DNAH14: variants seen among roughly 807,000 people sequenced by gnomAD.
The protein encoded by DNAH14 is dynein axonemal heavy chain 14.
A neutral mutation model predicts 520.9 loss-of-function variants in DNAH14; 478 were observed. The observed-to-expected ratio is 0.92, with a 90% CI of 0.85 to 0.99. The LOEUF is 0.99. Ranked by LOEUF, DNAH14 falls within the 50% of genes least tolerant of loss-of-function variation. DNAH14 has a pLI of 0.00. For synonymous variants in DNAH14, 1,581 were observed against 1,757.2 expected, an observed-to-expected ratio of 0.90 and a Z score of 2.51; for missense variants, 4,831 against 5,234.5, an observed-to-expected ratio of 0.92 and a Z score of 2.38.
chr1:225,389,891 G>C lies in DNAH14; in HGVS notation c.13330+18G>C, dbSNP rs940212041. 1.9e-6 allele frequency: 3 copies of C among 1,550,850 alleles called. No individual in the cohort carries two copies. In the Middle Eastern group the frequency reaches 5.0e-4, roughly 259 times the overall value. The stretch of plus-strand genomic sequence containing the variant: ...TCCACAAGGTGAGCATTAGAACCAA[G>C]GTCAGCTCCAGACCTGGCCCAGGCA... On this transcript the variant is annotated intron_variant, in intron 83 of 85. Coordinates refer to ENST00000682510, the MANE Select transcript of DNAH14 (RefSeq NM_001367479.1).
intron 8 of DNAH14, among the ~76,000 whole-genome samples, chr1:225,000,591 G>A (rs1435495295): frequency 7.3e-6 from 1 of 137,024 alleles, no homozygotes; most frequent in Non-Finnish European, 1.6e-5. Flanking sequence ...TCTTTTTTCT[G>A]AGGTGGGATC....
rs1341029481 is a variant in DNAH14, at chr1:225,341,266, G to A, written c.10678+565G>A. Among the ~76,000 whole-genome samples, 3 of 151,906 alleles carry A rather than the reference G, an allele frequency of 2.0e-5. No individual in the cohort carries two copies. The South Asian group carries it at 6.2e-4, about 32-fold the overall frequency. ...ATTACCAGCGCATGCCACCACACCCGACTTAATAACTAAAAGATATTTTTA... is the reference window on the plus strand; with the variant it reads ...ATTACCAGCGCATGCCACCACACCCAACTTAATAACTAAAAGATATTTTTA... On this transcript the variant is annotated intron_variant, in intron 69 of 85. Transcript: ENST00000682510.
chr1:225,116,041 A>G (rs1406145051), intron 23 of DNAH14, among the ~76,000 whole-genome samples: 1 of 152,224 alleles, frequency 6.6e-6, no homozygotes, highest in Non-Finnish European at 1.5e-5. Context: ...TAAAAGAGTT[A>G]GATTAGAGAA....
In DNAH14 at chr1:225,206,166, C is replaced by T; in HGVS notation, c.6173C>T (p.Ala2058Val). Residue 2058 changes from alanine (A) to valine (V), a missense_variant, in exon 40 of 86, where the codon GCC (alanine) becomes GTC (valine). By Grantham distance (64) the Ala-to-Val change is moderately conservative. Coordinates refer to ENST00000682510, the MANE Select transcript of DNAH14 (RefSeq NM_001367479.1). ...AGTCCTGCTACTGTCAGCCGATGTGCCATGGTCTATATGGTAAGCTTTCAA... is the reference window on the plus strand; with the variant it reads ...AGTCCTGCTACTGTCAGCCGATGTGTCATGGTCTATATGGTAAGCTTTCAA... ...QASPATVSRC[A>V]MVYMDPVDLG... is the part of the protein sequence containing the mutation. The T allele has an allele frequency of 6.4e-7, 1 of 1,550,724 alleles. No homozygotes were observed.
At chr1:225,373,290 A>G (rs957295568) in intron 77 of DNAH14, among the ~76,000 whole-genome samples, 4 of 152,120 alleles carry the variant, frequency 2.6e-5, no homozygotes, top group African/African-American at 9.7e-5. Flanking sequence ...GGAGATCGAG[A>G]CCATGCTGGT....
rs372148296 is a variant in DNAH14, at chr1:225,152,080, A to G, written c.5009+7A>G. The stretch of plus-strand genomic sequence containing the variant: ...TTATCACCATGAATCCCAGGTAAGT[A>G]TCAGTAAATCTAGTGGGAATAGACA... On this transcript the variant is annotated splice_region_variant and intron_variant, in intron 32 of 85. Transcript: ENST00000682510. The G allele has an allele frequency of 4.5e-6, 7 of 1,547,172 alleles. No individual in the cohort carries two copies. The highest frequency in any genetic ancestry group is 2.0e-5 in the Admixed American group (1 of 50,106).
chr1:225,337,359 A>G lies in DNAH14; in HGVS notation c.10174A>G (p.Ile3392Val), dbSNP rs1248432570. The change falls in exon 67 of 86, where the codon ATT becomes GTT. Residue 3392 changes from isoleucine (I) to valine (V), a missense_variant. Physicochemically the swap from Ile to Val is conservative, Grantham distance 29. Coordinates refer to ENST00000682510, the MANE Select transcript of DNAH14 (RefSeq NM_001367479.1). Reference sequence around the variant, plus strand: ...GAATGGCCAGCAGTGGCCACTGCTGATTGACCCACATAGGCAAGCTCACAA... The same window carrying G: ...GAATGGCCAGCAGTGGCCACTGCTGGTTGACCCACATAGGCAAGCTCACAA... ...IKNGQQWPLL[I>V]DPHRQAHKWI... The G allele has an allele frequency of 9.0e-6, 14 of 1,551,538 alleles. No homozygotes were observed. The highest frequency in any genetic ancestry group is 1.7e-4 in the Middle Eastern group (1 of 6,014).
chr1:225,379,262 G>A (rs2095748973), intron 79 of DNAH14, among the ~76,000 whole-genome samples: 1 of 152,166 alleles, frequency 6.6e-6, no homozygotes, highest in Admixed American at 6.5e-5. Context: ...GATGCATGCA[G>A]ATGATTATTT....
intron 23 of DNAH14, among the ~76,000 whole-genome samples, chr1:225,101,506 T>C (rs1206148214): frequency 1.3e-5 from 2 of 152,136 alleles, no homozygotes; most frequent in African/African-American, 4.8e-5. Context: ...CCCCATTCTC[T>C]CCACTACTCC....
At chr1:225,317,317 A>G (rs1311813526) in intron 60 of DNAH14, among the ~76,000 whole-genome samples, 1 of 152,074 alleles carries the variant, frequency 6.6e-6, no homozygotes, top group Non-Finnish European at 1.5e-5. Flanking sequence ...TTTTCATTTT[A>G]ATAAAGTTTT....
At chr1:224,969,996 T>C (rs2061411714) in intron 7 of DNAH14, among the ~76,000 whole-genome samples, 1 of 152,192 alleles carries the variant, frequency 6.6e-6, no homozygotes. Context: ...AAGAACAGGA[T>C]AACAGCAATG....
At chr1:225,003,240 G>C (rs1337684754) in intron 9 of DNAH14, among the ~76,000 whole-genome samples, 1 of 151,792 alleles carries the variant, frequency 6.6e-6, no homozygotes, top group East Asian at 1.9e-4. Context: ...TCTTCCTCTA[G>C]TATAGCATGT....
chr1:225,250,033 T>C (rs919594763), intron 43 of DNAH14, among the ~76,000 whole-genome samples: 3 of 152,254 alleles, frequency 2.0e-5, no homozygotes, highest in Non-Finnish European at 4.4e-5. Context: ...AATGCTTTTA[T>C]GCATTATATG....
chr1:225,072,900 G>A (rs1258706970), intron 17 of DNAH14, among the ~76,000 whole-genome samples: 2 of 151,896 alleles, frequency 1.3e-5, no homozygotes, highest in African/African-American at 4.8e-5. Context: ...AGGGAGGTAA[G>A]GACCAGCTGC....
intron 8 of DNAH14, among the ~76,000 whole-genome samples, chr1:224,979,402 G>A (rs893871281): frequency 2.0e-5 from 3 of 152,126 alleles, no homozygotes; most frequent in Non-Finnish European, 2.9e-5. Flanking sequence ...AAACCCAGCC[G>A]AACTCAACTG....
chr1:225,100,620 C>T (rs1395998369), intron 22 of DNAH14, 93 bp from the exon 23 acceptor site: 6 of 994,876 alleles, frequency 6.0e-6, no homozygotes, highest in Admixed American at 7.3e-5. Flanking sequence ...TGTTTTATAA[C>T]TCAAACAGTA....
At chr1:225,207,357 C>A in intron 41 of DNAH14, 137 bp downstream of exon 41, 2 of 826,242 alleles carry the variant, frequency 2.4e-6, no homozygotes, top group Non-Finnish European at 3.5e-6. Flanking sequence ...CAGATATGCA[C>A]ATGGAACAAA....
At position 225,392,242 on chromosome 1, in the gene DNAH14, A is replaced by C. The variant is rs375284745; in HGVS notation, c.13331-49A>C. Reference sequence around the variant, plus strand: ...CATCATTGTTGCTAACCCCAGCAGGAGGCCCTGAGACTCACAAGGAACTTG... The same window carrying C: ...CATCATTGTTGCTAACCCCAGCAGGCGGCCCTGAGACTCACAAGGAACTTG... On this transcript the variant is annotated intron_variant, in intron 83 of 85. Coordinates refer to ENST00000682510, the MANE Select transcript of DNAH14 (RefSeq NM_001367479.1). 1.9e-5 allele frequency: 30 copies of C among 1,542,254 alleles called. No individual in the cohort carries two copies. In the Middle Eastern group the frequency reaches 5.0e-4, roughly 26 times the overall value.
chr1:225,262,727 T>TC (rs533116634), intron 46 of DNAH14, among the ~76,000 whole-genome samples: 111 of 152,236 alleles, frequency 7.3e-4, no homozygotes, highest in Middle Eastern at 3.4e-3. Flanking sequence ...ACCAGTACCA[T>TC]CCTGTTTTGA....
Sources: allele counts gnomAD v4.1 joint callset (sites outside exome capture counted in the v4.1 genomes callset), GRCh38; gene constraint gnomAD v4.1.1; transcripts MANE v1.5; gene names NCBI Gene and HGNC (gene_info 2026-07-23, HGNC 2026-07-21).